Variants in ADCY8 observed in about 807,000 individuals in gnomAD.
The protein encoded by ADCY8 is adenylate cyclase type 8.
In ADCY8, 51 loss-of-function variants were observed where a neutral mutation model predicts 119.7. That is an observed-to-expected ratio of 0.43 (90% CI 0.34 to 0.54). The LOEUF (loss-of-function observed/expected upper bound fraction) is 0.54. ADCY8 is among the 20% of genes least tolerant of loss of function. The pLI is 0.03. For synonymous variants in ADCY8, 665 were observed against 651.0 expected, an observed-to-expected ratio of 1.02 and a Z score of -0.33; for missense variants, 1,383 against 1,598.8, an observed-to-expected ratio of 0.87 and a Z score of 2.30.
intron 13 of ADCY8, among the ~76,000 whole-genome samples, chr8:130,818,668 G>C (rs1816418089): frequency 6.6e-6 from 1 of 152,204 alleles, no homozygotes; most frequent in South Asian, 2.1e-4. Context: ...GAGTCACAAG[G>C]GAAAACCAGT....
intron 7 of ADCY8, among the ~76,000 whole-genome samples, chr8:130,890,492 C>G (rs1352399462): frequency 6.6e-6 from 1 of 152,150 alleles, no homozygotes; most frequent in Non-Finnish European, 1.5e-5. Flanking sequence ...GTTTACCAAA[C>G]TGTATTAAAT....
chr8:130,858,661 G>A (rs1817826151), intron 9 of ADCY8, among the ~76,000 whole-genome samples: 1 of 151,968 alleles, frequency 6.6e-6, no homozygotes, highest in Non-Finnish European at 1.5e-5. Context: ...TAAGGAGTGG[G>A]GAATTAAATT....
intron 12 of ADCY8, among the ~76,000 whole-genome samples, chr8:130,827,402 CATA>C (rs1816699717): frequency 6.6e-6 from 1 of 152,140 alleles, no homozygotes; most frequent in Admixed American, 6.6e-5. Flanking sequence ...AGCCCATTTG[CATA>C]ATAAGATTAG....
intron 8 of ADCY8, among the ~76,000 whole-genome samples, chr8:130,868,519 T>C (rs1474788478): frequency 1.3e-5 from 2 of 152,218 alleles, no homozygotes; most frequent in Non-Finnish European, 2.9e-5. Context: ...CCCTGGGGAA[T>C]GGTGGTAACT....
intron 5 of ADCY8, among the ~76,000 whole-genome samples, chr8:130,912,672 T>C (rs959138666): frequency 7.9e-5 from 12 of 152,200 alleles, no homozygotes; most frequent in Admixed American, 6.5e-4. Context: ...TATGGAAATA[T>C]TGTAATAAAT....
At chr8:130,949,687 C>T (rs1563741285) in intron 3 of ADCY8, 1 of 152,202 alleles carries the variant, frequency 6.6e-6, no homozygotes, top group Non-Finnish European at 1.5e-5. Context: ...AGGAAGGTTT[C>T]TCTACCTATC....
At chr8:130,782,685 A>T (rs1319721257) in intron 17 of ADCY8, among the ~76,000 whole-genome samples, 1 of 152,222 alleles carries the variant, frequency 6.6e-6, no homozygotes, top group Non-Finnish European at 1.5e-5. Context: ...TTGATGGAAG[A>T]TGTGGGAACA....
chr8:130,796,401 G>A (rs554572939), intron 15 of ADCY8, among the ~76,000 whole-genome samples: 2 of 152,172 alleles, frequency 1.3e-5, no homozygotes, highest in Non-Finnish European at 2.9e-5. Flanking sequence ...GAGCCCTTGA[G>A]TTGGGTTATT....
At chr8:130,968,331 G>T (rs1821824977) in intron 2 of ADCY8, among the ~76,000 whole-genome samples, 1 of 152,082 alleles carries the variant, frequency 6.6e-6, no homozygotes, top group Non-Finnish European at 1.5e-5. Flanking sequence ...CACCATGCCT[G>T]GCTAACTTTT....
chr8:131,018,196 T>G (rs181720194), intron 1 of ADCY8, among the ~76,000 whole-genome samples: 10 of 152,324 alleles, frequency 6.6e-5, no homozygotes, highest in African/African-American at 2.2e-4. Flanking sequence ...ATTATTATTT[T>G]TCAAAGCTCA....
intron 15 of ADCY8, among the ~76,000 whole-genome samples, chr8:130,789,846 G>A (rs1281703293): frequency 2.6e-5 from 4 of 152,236 alleles, no homozygotes; most frequent in South Asian, 2.1e-4. Flanking sequence ...CAAAATTGCG[G>A]CCCCTTCAGT....
intron 15 of ADCY8, among the ~76,000 whole-genome samples, chr8:130,788,863 AC>A (rs998275309): frequency 6.4e-4 from 97 of 152,314 alleles, no homozygotes; most frequent in African/African-American, 2.2e-3. Context: ...CTCTTGAAAC[AC>A]ACAAGAATAT....
chr8:130,980,553 G>A (rs1357281566), intron 2 of ADCY8, among the ~76,000 whole-genome samples: 5 of 152,202 alleles, frequency 3.3e-5, no homozygotes, highest in African/African-American at 1.2e-4. Flanking sequence ...ATTACTGCAT[G>A]TCAGGGAAAA....
At chr8:131,008,359 C>A (rs1283958120) in intron 1 of ADCY8, among the ~76,000 whole-genome samples, 1 of 152,138 alleles carries the variant, frequency 6.6e-6, no homozygotes, top group East Asian at 1.9e-4. Flanking sequence ...AACAATGGGG[C>A]AGTTTCACCC....
At chr8:130,938,614 G>A (rs1247922171) in intron 4 of ADCY8, among the ~76,000 whole-genome samples, 1 of 152,154 alleles carries the variant, frequency 6.6e-6, no homozygotes, top group Non-Finnish European at 1.5e-5. Context: ...GTAAAGCACT[G>A]TGTTGGTTTC....
chr8:130,888,550 A>G (rs930740226), intron 7 of ADCY8, among the ~76,000 whole-genome samples: 5 of 152,084 alleles, frequency 3.3e-5, no homozygotes, highest in African/African-American at 1.2e-4. Context: ...TGCTCTCCTC[A>G]GGTATTTCCA....
In ADCY8 at chr8:130,990,389, G is replaced by GT; in HGVS notation, c.1110+3dup. On this transcript the variant is annotated splice_donor_region_variant and intron_variant, in intron 2 of 17. Transcript: ENST00000286355. ...CTAAAACACACAGCCTTGTCAGTTGGTACCTGTCTTTGGTTCTCTGTCTCC... is the reference window on the plus strand; with the variant it reads ...CTAAAACACACAGCCTTGTCAGTTGGTTACCTGTCTTTGGTTCTCTGTCTCC... 1.2e-6 allele frequency: 2 copies of GT among 1,614,020 alleles called. No homozygotes were observed. Among genetic ancestry groups the GT allele is most frequent in the Middle Eastern group, 3.3e-4 (2 of 6,052 alleles).
intron 1 of ADCY8, among the ~76,000 whole-genome samples, chr8:131,038,638 T>C (rs1043513771): frequency 3.3e-5 from 5 of 152,076 alleles, no homozygotes; most frequent in Admixed American, 6.5e-5. Context: ...CACCTAAATA[T>C]AATATTTAAA....
intron 1 of ADCY8, among the ~76,000 whole-genome samples, chr8:130,998,962 C>T (rs939679202): frequency 2.6e-5 from 4 of 152,148 alleles, no homozygotes; most frequent in East Asian, 1.9e-4. Context: ...GCTCCCAAGT[C>T]GATCTGCTGC....
Sources: gnomAD v4.1 joint callset for allele counts (sites outside exome capture counted in the v4.1 genomes callset) on GRCh38, gnomAD v4.1.1 for gene constraint, MANE v1.5 for transcripts, NCBI Gene and HGNC (gene_info 2026-07-23, HGNC 2026-07-21) for gene names.